The following EPN1 variants were observed in gnomAD, a reference collection of about 807,000 sequenced individuals.
EPN1 encodes epsin 1, also known as epsin-1.
In EPN1, 25 loss-of-function variants were observed where a neutral mutation model predicts 56.9. The observed-to-expected ratio is 0.44, with a 90% confidence interval of 0.32 to 0.61. The LOEUF (loss-of-function observed/expected upper bound fraction) is 0.61. Ranked by LOEUF, EPN1 falls within the 20% of genes least tolerant of loss-of-function variation. The pLI, the probability that EPN1 is intolerant of heterozygous loss-of-function variation, is 0.05. For missense variants in EPN1, 785 were observed against 823.7 expected, an observed-to-expected ratio of 0.95 and a Z score of 0.58; for synonymous variants, 411 against 361.8, an observed-to-expected ratio of 1.14 and a Z score of -1.54.
chr19:55,690,195 G>A (rs968856352), intron 6 of EPN1, among the ~76,000 whole-genome samples: 56 of 152,196 alleles, frequency 3.7e-4, no homozygotes, highest in African/African-American at 1.2e-3. Flanking sequence ...CCTTCGGGCT[G>A]AGCACCGTGA....
At position 55,692,718 on chromosome 19, in the gene EPN1, G is replaced by T. The variant is rs575104821; in HGVS notation, c.1099G>T (p.Asp367Tyr). The T allele has an allele frequency of 6.4e-7, 1 of 1,560,608 alleles. No homozygotes were observed. The highest frequency in any genetic ancestry group is 1.4e-5 in the African/African-American group (1 of 73,650). ...CCCGGTCAGTGGGCCCTCAGCCTCC[G>T]ATCCCTGGACACCGGCCCCGGCCTT... ...GVPVSGPSAS[D>Y]PWTPAPAFSD... The change falls in exon 8 of 11, where the codon GAT (aspartate) becomes TAT (tyrosine). Residue 367 changes from aspartate (D) to tyrosine (Y), a missense_variant. Physicochemically the swap from Asp to Tyr is radical, Grantham distance 160. Coordinates refer to ENST00000270460, the MANE Select transcript of EPN1 (RefSeq NM_001130072.2).
Position 55,707,189 on chromosome 19 carries a change from A to AC in EPN1, c.*11833_*11834insC, listed in dbSNP as rs1349634915. 1 of 151,660 alleles carries AC rather than the reference A, an allele frequency of 6.6e-6. No individual in the cohort carries two copies. Among genetic ancestry groups the AC allele is most frequent in the African/African-American group, 2.4e-5 (1 of 41,164 alleles). 9.4% of individuals were successfully genotyped at this position (151,660 alleles called of 1,614,324 possible). On this transcript the variant is annotated 3_prime_UTR_variant, in exon 11 of 11. Transcript: ENST00000270460. Reference sequence around the variant, plus strand: ...AACAGAGTGAGGCTGTCTCTCAAAAAAAAAAAAAAAGGAACGGTAGTGTGC... The same window carrying AC: ...AACAGAGTGAGGCTGTCTCTCAAAAACAAAAAAAAAAGGAACGGTAGTGTGC...
Position 55,698,363 on chromosome 19 carries a change from G to A in EPN1, c.*3007G>A, listed in dbSNP as rs1272539883. 3 of 152,368 alleles carry A rather than the reference G, an allele frequency of 2.0e-5. No individual in the cohort carries two copies. The highest frequency in any genetic ancestry group is 2.1e-4 in the South Asian group (1 of 4,826). 9.4% of individuals were successfully genotyped at this position (152,368 alleles called of 1,614,324 possible). A position where few individuals can be genotyped will look rare whatever the true frequency, so the allele number is the denominator to read the frequency against. On this transcript the variant is annotated 3_prime_UTR_variant, in exon 11 of 11. Transcript: ENST00000270460. ...TCTCCCTGGGACAGGTGAAGCGATG[G>A]GGCGTGGGACATTCCTGGGTCTCGA...
At chr19:55,677,041 T>G in intron 1 of EPN1, 1 of 1,450,170 alleles carries the variant, frequency 6.9e-7, no homozygotes, top group Non-Finnish European at 9.3e-7. Context: ...TACATCTGTC[T>G]TCAGGTGCCT....
In EPN1 at chr19:55,691,217, C is replaced by T. The variant is rs892212025; in HGVS notation, c.763-537C>T. On this transcript the variant is annotated intron_variant, in intron 6 of 10. Transcript: ENST00000270460. The surrounding 1 kb of genome is among the most constrained non-coding windows in gnomAD (Gnocchi z 5.6). ...GCAATGGGCGTGGGAAGGCCTGCAG[C>T]GCGATGACTGCGGGGTGACGGCGGG... Among the ~76,000 whole-genome samples, 7 of 151,674 alleles carry T rather than the reference C, an allele frequency of 4.6e-5. No individual in the cohort carries two copies. Among genetic ancestry groups the T allele is most frequent in the African/African-American group, 9.7e-5 (4 of 41,312 alleles).
chr19:55,690,241 C>T (rs1435024057), intron 6 of EPN1, among the ~76,000 whole-genome samples: 3 of 152,256 alleles, frequency 2.0e-5, no homozygotes, highest in Non-Finnish European at 4.4e-5. Flanking sequence ...AATGGGGAGG[C>T]CCAGAATAGG....
chr19:55,691,747 C>T lies in EPN1; in HGVS notation c.763-7C>T, dbSNP rs1313882287. 1.9e-6 allele frequency: 3 copies of T among 1,609,554 alleles called. No homozygotes were observed. The South Asian group carries it at 3.3e-5, about 18-fold the overall frequency. ...TTCATGCTCCTTCTCTTCTCTCTCC[C>T]CCACAGTCGTCCCTCATGGACCTTG... On this transcript the variant is annotated splice_polypyrimidine_tract_variant and splice_region_variant and intron_variant, in intron 6 of 10. Coordinates refer to ENST00000270460, the MANE Select transcript of EPN1 (RefSeq NM_001130072.2). The surrounding 1 kb of genome is among the most constrained non-coding windows in gnomAD (Gnocchi z 5.6).
At position 55,689,292 on chromosome 19, in the gene EPN1, C is replaced by T. The variant is rs1185921149; in HGVS notation, c.604-5C>T. 2 of 1,548,326 alleles carry T rather than the reference C, an allele frequency of 1.3e-6. No individual in the cohort carries two copies. Among genetic ancestry groups the T allele is most frequent in the Non-Finnish European group, 1.7e-6 (2 of 1,144,438 alleles). On this transcript the variant is annotated splice_region_variant and splice_polypyrimidine_tract_variant and intron_variant, in intron 4 of 10. Coordinates refer to ENST00000270460, the MANE Select transcript of EPN1 (RefSeq NM_001130072.2). The surrounding 1 kb of genome is among the most constrained non-coding windows in gnomAD (Gnocchi z 5.7). ...GTCATGCCCCTCACACTCTCTCTCC[C>T]CCAGCCCCCGTCCTGCGGCCCCGAG...
intron 9 of EPN1, chr19:55,693,277 C>A: frequency 1.9e-6 from 1 of 515,752 alleles, no homozygotes; most frequent in Non-Finnish European, 3.5e-6. Context: ...AGGTTTCCCA[C>A]CCGAATGTTG....
At chr19:55,685,718 G>T (rs559596220) in intron 3 of EPN1, 73 bp downstream of exon 3, 5 of 1,513,524 alleles carry the variant, frequency 3.3e-6, no homozygotes, top group Non-Finnish European at 4.4e-6. Context: ...GCACCCGGCC[G>T]CCCACTGCTT....
chr19:55,686,546 T>C (rs1600101885), intron 3 of EPN1, among the ~76,000 whole-genome samples: 1 of 152,006 alleles, frequency 6.6e-6, no homozygotes, highest in African/African-American at 2.4e-5. Context: ...CTGGACTTGT[T>C]TGGGGAAGTC....
In EPN1 at chr19:55,697,503, A is replaced by G. The variant is rs1340296501; in HGVS notation, c.*2147A>G. 14 of 152,230 alleles carry G rather than the reference A, an allele frequency of 9.2e-5. No individual in the cohort carries two copies. The highest frequency in any genetic ancestry group is 9.2e-4 in the Admixed American group (14 of 15,282). The allele number at this position is 152,230 out of a possible 1,614,324, so 9.4% of individuals were successfully genotyped here. On this transcript the variant is annotated 3_prime_UTR_variant, in exon 11 of 11. Coordinates refer to ENST00000270460, the MANE Select transcript of EPN1 (RefSeq NM_001130072.2). The stretch of plus-strand genomic sequence containing the variant: ...GTTGGATTAGTCCAGTGGAGGGGTT[A>G]AAGGTGTGAGGCTTTAATTCTCCCC...
rs1298104966 is a variant in EPN1 at position 55,706,267 on chromosome 19, TTCTC to T, written c.*10913_*10916del. 1 of 143,732 alleles carries T rather than the reference TTCTC, an allele frequency of 7.0e-6. No individual in the cohort carries two copies. Among genetic ancestry groups the T allele is most frequent in the African/African-American group, 3.0e-5 (1 of 33,846 alleles). The allele number at this position is 143,732 out of a possible 1,614,324, so 8.9% of individuals were successfully genotyped here. On this transcript the variant is annotated 3_prime_UTR_variant, in exon 11 of 11. Transcript: ENST00000270460. ...TTTTTCCTCCTCTTTTCTTCCTTTCTTCTCTTTTTCTTCTTCTTTTTTTTTTTTT... is the reference window on the plus strand; with the variant it reads ...TTTTTCCTCCTCTTTTCTTCCTTTCTTTTTTCTTCTTCTTTTTTTTTTTTT...
chr19:55,677,851 G>A, intron 1 of EPN1: 1 of 1,308,858 alleles, frequency 7.6e-7, no homozygotes, highest in Non-Finnish European at 1.0e-6. Context: ...GGTCTTTCCT[G>A]CCCTCCCTCT....
chr19:55,689,019 T>A lies in EPN1; in HGVS notation c.603+25T>A. ...GGTACTGGGCGTGCAGCTGGGGCTG[T>A]CTGTCCGCCACCCGCCTCCACGCCT... On this transcript the variant is annotated intron_variant, in intron 4 of 10. Transcript: ENST00000270460. This position sits in a 1 kb window ranked among gnomAD's most constrained non-coding sequence, Gnocchi z 5.7. 6.4e-7 allele frequency: 1 copy of A among 1,571,698 alleles called. No individual in the cohort carries two copies. The highest frequency in any genetic ancestry group is 8.6e-7 in the Non-Finnish European group (1 of 1,161,884).
At position 55,689,050 on chromosome 19, in the gene EPN1, C is replaced by T. The variant is rs555448267; in HGVS notation, c.603+56C>T. The T allele has an allele frequency of 2.0e-6, 3 of 1,522,106 alleles. No individual in the cohort carries two copies. Among genetic ancestry groups the T allele is most frequent in the East Asian group, 2.3e-5 (1 of 42,716 alleles). 94.3% of individuals were successfully genotyped at this position (1,522,106 alleles called of 1,614,324 possible). On this transcript the variant is annotated intron_variant, in intron 4 of 10. Coordinates refer to ENST00000270460, the MANE Select transcript of EPN1 (RefSeq NM_001130072.2). This position sits in a 1 kb window ranked among gnomAD's most constrained non-coding sequence, Gnocchi z 5.7. ...CGCCACCCGCCTCCACGCCTCACTT[C>T]AGGCTCCCTCCCAGCCAGGCGTGGG...
Position 55,706,152 on chromosome 19 carries a change from C to T in EPN1, c.*10796C>T, listed in dbSNP as rs568120875. 1 of 190,750 alleles carries T rather than the reference C, an allele frequency of 5.2e-6. No homozygotes were observed. Among genetic ancestry groups the T allele is most frequent in the Non-Finnish European group, 1.1e-5 (1 of 91,344 alleles). 11.8% of individuals were successfully genotyped at this position (190,750 alleles called of 1,614,324 possible). A position where few individuals can be genotyped will look rare whatever the true frequency, so the allele number is the denominator to read the frequency against. On this transcript the variant is annotated 3_prime_UTR_variant, in exon 11 of 11. Coordinates refer to ENST00000270460, the MANE Select transcript of EPN1 (RefSeq NM_001130072.2). ...GGAGAACTTTGATTTCTTCTTCCTC[C>T]TCCTCCTCTCTTTTCTTCTTCCTCT...
In EPN1 at chr19:55,700,086, A is replaced by G. The variant is rs1248395089; in HGVS notation, c.*4730A>G. ...CAGATGCCCACCACCATGCCCAGCT[A>G]ATTTTTTTGTATTTTTTTAGTAGAG... On this transcript the variant is annotated 3_prime_UTR_variant, in exon 11 of 11. Coordinates refer to ENST00000270460, the MANE Select transcript of EPN1 (RefSeq NM_001130072.2). 1 of 151,396 alleles carries G rather than the reference A, an allele frequency of 6.6e-6. No homozygotes were observed. Among genetic ancestry groups the G allele is most frequent in the East Asian group, 2.0e-4 (1 of 5,070 alleles). The allele number at this position is 151,396 out of a possible 1,614,324, so 9.4% of individuals were successfully genotyped here. A position where few individuals can be genotyped will look rare whatever the true frequency, so the allele number is the denominator to read the frequency against.
At chr19:55,690,460 C>T (rs1347681091) in intron 6 of EPN1, among the ~76,000 whole-genome samples, 1 of 152,388 alleles carries the variant, frequency 6.6e-6, no homozygotes, top group East Asian at 1.9e-4. Flanking sequence ...CAACCTTGTG[C>T]TTCCAGGTCA....
Sources: gnomAD v4.1 joint callset for allele counts (sites outside exome capture counted in the v4.1 genomes callset) on GRCh38, gnomAD v4.1.1 for gene constraint, Gnocchi (gnomAD v3.1) non-coding constraint, MANE v1.5 for transcripts, NCBI Gene and HGNC (gene_info 2026-07-23, HGNC 2026-07-21) for gene names.